Variants in DYNLL1 observed in about 807,000 individuals in gnomAD.
DYNLL1 encodes dynein light chain 1, cytoplasmic.
Under a neutral mutation model 10.1 loss-of-function variants are expected in DYNLL1, and 3 were observed. The ratio of observed to expected loss-of-function variants is 0.30; its 90% CI spans 0.14 to 0.77. The LOEUF (loss-of-function observed/expected upper bound fraction) is 0.77, where lower values mean the gene tolerates loss of function less well. DYNLL1 is among the 30% of genes least tolerant of loss of function. The pLI is 0.66. For missense variants in DYNLL1, 47 were observed against 111.7 expected (o/e 0.42, Z 2.61); for synonymous variants, 46 against 41.2 (o/e 1.12, Z -0.45).
intron 2 of DYNLL1, 143 bp from the exon 3 acceptor site, chr12:120,497,930 G>A: frequency 1.3e-6 from 1 of 799,520 alleles, no homozygotes; most frequent in East Asian, 2.7e-5. Context: ...AGGCGGCTTG[G>A]AGCTGGGGAA....
At chr12:120,484,773 G>C (rs1450164539) in intron 1 of DYNLL1, among the ~76,000 whole-genome samples, 1 of 146,462 alleles carries the variant, frequency 6.8e-6, no homozygotes, top group Non-Finnish European at 1.5e-5. Context: ...GAGTCTCACT[G>C]TGACACCCAG....
At chr12:120,490,033 C>T (rs1879088885) in intron 1 of DYNLL1, among the ~76,000 whole-genome samples, 1 of 152,234 alleles carries the variant, frequency 6.6e-6, no homozygotes, top group Non-Finnish European at 1.5e-5. Flanking sequence ...CAGGCGTAAG[C>T]CACCGTGCCT....
chr12:120,481,635 C>G (rs1267779194), intron 1 of DYNLL1, among the ~76,000 whole-genome samples: 3 of 152,178 alleles, frequency 2.0e-5, no homozygotes, highest in African/African-American at 7.2e-5. Context: ...CATGTCCTCT[C>G]CAGGTGCACC....
upstream of DYNLL1, chr12:120,493,731 C>G (rs1879193747): frequency 6.6e-6 from 1 of 150,844 alleles, no homozygotes; most frequent in Non-Finnish European, 1.5e-5. Flanking sequence ...CCTGCCTCAG[C>G]CTCCCAACTA....
At chr12:120,483,086 TC>T (rs1330073740) in intron 1 of DYNLL1, among the ~76,000 whole-genome samples, 1 of 151,892 alleles carries the variant, frequency 6.6e-6, no homozygotes, top group African/African-American at 2.4e-5. Flanking sequence ...ACACCTGTAA[TC>T]CCAGCACTTT....
intron 1 of DYNLL1, 97 bp from the exon 2 acceptor site, chr12:120,496,319 G>A: frequency 6.6e-7 from 1 of 1,518,642 alleles, no homozygotes; most frequent in Non-Finnish European, 8.9e-7. Context: ...GTGGGGTGGG[G>A]GGCGTCGTCC....
intron 1 of DYNLL1, among the ~76,000 whole-genome samples, chr12:120,486,108 G>A (rs1384026404): frequency 2.0e-5 from 3 of 152,188 alleles, no homozygotes; most frequent in Non-Finnish European, 4.4e-5. Context: ...TAATGGCTGT[G>A]ACATTGAGTT....
At chr12:120,497,995 C>A in intron 2 of DYNLL1, 78 bp from the exon 3 acceptor site, 1 of 1,434,038 alleles carries the variant, frequency 7.0e-7, no homozygotes, top group Non-Finnish European at 9.4e-7. Context: ...TCTGCCCCTA[C>A]AGGCTCTGGC....
At chr12:120,496,832 C>A (rs1172508395) in intron 2 of DYNLL1, 4 of 596,098 alleles carry the variant, frequency 6.7e-6, no homozygotes, top group Non-Finnish European at 8.8e-6. Context: ...GCGGTTCCCC[C>A]TTCTGTGTGG....
intron 1 of DYNLL1, among the ~76,000 whole-genome samples, chr12:120,471,631 G>A (rs753346858): frequency 3.4e-4 from 51 of 151,874 alleles, no homozygotes; most frequent in Non-Finnish European, 1.0e-4. Flanking sequence ...TTTGTTTTGA[G>A]ACGGAGTCTT....
At chr12:120,487,907 T>TA (rs1167780077) in intron 1 of DYNLL1, among the ~76,000 whole-genome samples, 1 of 152,150 alleles carries the variant, frequency 6.6e-6, no homozygotes, top group Non-Finnish European at 1.5e-5. Context: ...TATAAACTCA[T>TA]TCCATAAAAC....
intron 1 of DYNLL1, among the ~76,000 whole-genome samples, chr12:120,479,560 C>T (rs1878840193): frequency 1.3e-5 from 2 of 151,824 alleles, no homozygotes; most frequent in Admixed American, 6.6e-5. Context: ...ACTCCTGCAG[C>T]TCTTAACCCA....
chr12:120,487,319 C>T (rs1247042956), intron 1 of DYNLL1, among the ~76,000 whole-genome samples: 1 of 83,028 alleles, frequency 1.2e-5, no homozygotes, highest in African/African-American at 5.0e-5. Flanking sequence ...TTGAGACGGA[C>T]TCTTGCTCTG....
intron 1 of DYNLL1, among the ~76,000 whole-genome samples, chr12:120,475,751 T>C (rs1220993690): frequency 6.6e-6 from 1 of 152,096 alleles, no homozygotes; most frequent in Non-Finnish European, 1.5e-5. Flanking sequence ...TTTATCATTC[T>C]CAAAGGTCTA....
upstream of DYNLL1, chr12:120,495,708 T>TGGGGGGGGGGGGGGGGGGGGG (rs1879250742): frequency 4.1e-5 from 2 of 49,368 alleles, no homozygotes; most frequent in African/African-American, 7.5e-5. Context: ...GGCGGGGGGG[T>TGGGGGGGGGGGGGGGGGGGGG]GGGGGCAGGA....
At chr12:120,474,216 C>T (rs1475953035) in intron 1 of DYNLL1, among the ~76,000 whole-genome samples, 1 of 151,948 alleles carries the variant, frequency 6.6e-6, no homozygotes, top group Non-Finnish European at 1.5e-5. Context: ...GGGAGAATCA[C>T]TTAAGCCCAG....
chr12:120,481,582 G>A, intron 1 of DYNLL1, among the ~76,000 whole-genome samples: 1 of 152,346 alleles, frequency 6.6e-6, no homozygotes, highest in Middle Eastern at 3.4e-3. Context: ...ATAGGGCAAG[G>A]CATGGGGCGG....
chr12:120,471,093 G>A (rs1472065061), intron 1 of DYNLL1, among the ~76,000 whole-genome samples: 3 of 151,692 alleles, frequency 2.0e-5, no homozygotes, highest in African/African-American at 7.3e-5. Context: ...GCTGGGCGTG[G>A]TGGCTCATGC....
intron 1 of DYNLL1, among the ~76,000 whole-genome samples, chr12:120,489,572 T>C (rs1879072946): frequency 1.3e-5 from 2 of 152,122 alleles, no homozygotes. Context: ...ACTGCTGCAA[T>C]AGCCTCTAAC....
Sources: allele counts gnomAD v4.1 joint callset (sites outside exome capture counted in the v4.1 genomes callset), GRCh38; gene constraint gnomAD v4.1.1; transcripts MANE v1.5; gene names NCBI Gene and HGNC (gene_info 2026-07-23, HGNC 2026-07-21).